The following DNER variants were observed in gnomAD, a reference collection of about 807,000 sequenced individuals.
DNER encodes delta/notch like EGF repeat containing.
A neutral mutation model predicts 78.2 loss-of-function variants in DNER; 33 were observed. That is an observed-to-expected ratio of 0.42 (90% CI 0.32 to 0.56). The LOEUF is 0.56. Among genes scored for constraint, DNER ranks in the 20% least tolerant of loss-of-function variants. The pLI is 0.11. For synonymous variants in DNER, 417 were observed against 384.8 expected, an observed-to-expected ratio of 1.08 and a Z score of -0.98; for missense variants, 918 against 975.3, an observed-to-expected ratio of 0.94 and a Z score of 0.78.
chr2:229,466,658 A>G (rs1694813033), intron 7 of DNER, among the ~76,000 whole-genome samples: 1 of 152,186 alleles, frequency 6.6e-6, no homozygotes. Flanking sequence ...CAACACAATA[A>G]CCACTGCAAG....
intron 1 of DNER, among the ~76,000 whole-genome samples, chr2:229,595,985 C>CA (rs1559177469): frequency 3.3e-5 from 5 of 150,078 alleles, no homozygotes; most frequent in Non-Finnish European, 1.5e-5. Context: ...TCTTTCCTTG[C>CA]TTTTTTTTTT....
At chr2:229,390,804 C>G (rs1294477237) in intron 10 of DNER, among the ~76,000 whole-genome samples, 2 of 152,234 alleles carry the variant, frequency 1.3e-5, no homozygotes, top group Non-Finnish European at 2.9e-5. Flanking sequence ...TCTGGCAGAA[C>G]CCTGGAGTGA....
chr2:229,509,527 A>G (rs561786276), intron 6 of DNER, among the ~76,000 whole-genome samples: 2 of 152,356 alleles, frequency 1.3e-5, no homozygotes, highest in African/African-American at 4.8e-5. Context: ...TAAAAAGGGA[A>G]GACAGGCCAG....
chr2:229,584,428 C>T (rs1213060455), intron 4 of DNER, among the ~76,000 whole-genome samples: 1 of 152,148 alleles, frequency 6.6e-6, no homozygotes, highest in Non-Finnish European at 1.5e-5. Context: ...CAAGGTGGAA[C>T]ATTATGTCAG....
intron 5 of DNER, among the ~76,000 whole-genome samples, chr2:229,541,103 A>G (rs1400419185): frequency 6.6e-6 from 1 of 152,240 alleles, no homozygotes; most frequent in Non-Finnish European, 1.5e-5. Flanking sequence ...CCTATCCTTT[A>G]GGGAGTCAGC....
chr2:229,560,755 G>C (rs1696942565), intron 4 of DNER, among the ~76,000 whole-genome samples: 1 of 152,178 alleles, frequency 6.6e-6, no homozygotes, highest in Non-Finnish European at 1.5e-5. Context: ...ACTTGAGCCA[G>C]GACCCAGTCC....
intron 1 of DNER, among the ~76,000 whole-genome samples, chr2:229,698,830 C>A (rs1699700393): frequency 6.6e-6 from 1 of 152,164 alleles, no homozygotes; most frequent in Non-Finnish European, 1.5e-5. Flanking sequence ...TTCCTATTAT[C>A]TCTCTCATTA....
chr2:229,509,073 G>A (rs938068798), intron 6 of DNER, among the ~76,000 whole-genome samples: 3 of 152,110 alleles, frequency 2.0e-5, no homozygotes, highest in Non-Finnish European at 4.4e-5. Context: ...TGGTTTCACT[G>A]GTGCTTAGCA....
intron 1 of DNER, among the ~76,000 whole-genome samples, chr2:229,700,793 C>T (rs1699733664): frequency 1.3e-5 from 2 of 151,144 alleles, no homozygotes; most frequent in African/African-American, 4.9e-5. Context: ...TGGTGGCACA[C>T]ACCTGTAGTC....
At chr2:229,370,153 C>G (rs776667822) in intron 11 of DNER, among the ~76,000 whole-genome samples, 6 of 152,168 alleles carry the variant, frequency 3.9e-5, no homozygotes, top group Non-Finnish European at 7.3e-5. Context: ...CTATTCCTTA[C>G]CTTGAAAAGC....
At chr2:229,410,019 C>T (rs1056891881) in intron 9 of DNER, among the ~76,000 whole-genome samples, 1 of 152,104 alleles carries the variant, frequency 6.6e-6, no homozygotes, top group African/African-American at 2.4e-5. Context: ...TCCCTAGGCC[C>T]CCTCTTCCTG....
chr2:229,622,935 G>A (rs72991682), intron 1 of DNER, among the ~76,000 whole-genome samples: 3,244 of 152,290 alleles, frequency 0.021, 45 homozygotes, highest in Middle Eastern at 0.034. Flanking sequence ...AATTACTGTT[G>A]TTTAAGCCAC....
intron 4 of DNER, among the ~76,000 whole-genome samples, chr2:229,554,920 GAGA>G (rs1465144070): frequency 0.014 from 963 of 69,820 alleles, 11 homozygotes; most frequent in Middle Eastern, 0.018. Context: ...GAGAAGAGAA[GAGA>G]AGAGAAGAGA....
intron 4 of DNER, among the ~76,000 whole-genome samples, chr2:229,582,171 G>T (rs1038830234): frequency 6.6e-6 from 1 of 152,222 alleles, no homozygotes; most frequent in African/African-American, 2.4e-5. Flanking sequence ...TTTGTGTCTG[G>T]AGAGTCCAGA....
At chr2:229,478,702 C>T (rs1252374882) in intron 6 of DNER, among the ~76,000 whole-genome samples, 1 of 152,134 alleles carries the variant, frequency 6.6e-6, no homozygotes, top group Non-Finnish European at 1.5e-5. Context: ...TTTATTCATA[C>T]ATTAATTAAT....
intron 1 of DNER, among the ~76,000 whole-genome samples, chr2:229,678,046 A>G (rs1016452791): frequency 2.0e-5 from 3 of 152,210 alleles, no homozygotes; most frequent in East Asian, 1.9e-4. Context: ...TCTAAGGCCA[A>G]TTTGGGACTT....
chr2:229,418,594 A>G (rs6735031), intron 8 of DNER, among the ~76,000 whole-genome samples: 117,712 of 151,814 alleles, frequency 0.78, 50,400 homozygotes, highest in East Asian at 1. Context: ...GCAGGGGAGG[A>G]GCAAACAGCT....
intron 10 of DNER, among the ~76,000 whole-genome samples, chr2:229,397,062 A>G (rs1693162157): frequency 6.6e-6 from 1 of 152,192 alleles, no homozygotes; most frequent in African/African-American, 2.4e-5. Context: ...AAACCTAGTA[A>G]TAAAGGAAAA....
intron 6 of DNER, among the ~76,000 whole-genome samples, chr2:229,502,989 G>A (rs1695652421): frequency 6.6e-6 from 1 of 152,154 alleles, no homozygotes; most frequent in Non-Finnish European, 1.5e-5. Flanking sequence ...AGAGTGCACT[G>A]GTAATAACAA....
Sources: gnomAD v4.1 joint callset for allele counts (sites outside exome capture counted in the v4.1 genomes callset) on GRCh38, gnomAD v4.1.1 for gene constraint, MANE v1.5 for transcripts, NCBI Gene and HGNC (gene_info 2026-07-23, HGNC 2026-07-21) for gene names.